Variants in OSBPL10 observed in about 807,000 individuals in gnomAD.
OSBPL10 encodes oxysterol binding protein like 10.
A neutral mutation model predicts 81.7 loss-of-function variants in OSBPL10; 49 were observed. The observed-to-expected ratio is 0.60, with a 90% CI of 0.48 to 0.76. The LOEUF (loss-of-function observed/expected upper bound fraction) is 0.76, where lower values mean the gene tolerates loss of function less well. Among genes scored for constraint, OSBPL10 ranks in the 30% least tolerant of loss-of-function variants. The probability of loss-of-function intolerance (pLI) is 0.00; values close to 1 mark genes in which losing one functional copy is unlikely to be tolerated. For missense variants in OSBPL10, 923 were observed against 987.8 expected (o/e 0.93, Z 0.88); for synonymous variants, 419 against 383.6 (o/e 1.09, Z -1.08).
chr3:31,761,669 T>C (rs1278499748), intron 4 of OSBPL10, among the ~76,000 whole-genome samples: 2 of 150,326 alleles, frequency 1.3e-5, no homozygotes, highest in Non-Finnish European at 3.0e-5. Context: ...ATACAAAAAT[T>C]AGCTGGGCAT....
intron 1 of OSBPL10, among the ~76,000 whole-genome samples, chr3:31,923,947 G>C (rs1406496515): frequency 6.6e-6 from 1 of 151,850 alleles, no homozygotes; most frequent in Admixed American, 6.6e-5. Flanking sequence ...GGCCATGTGT[G>C]GTGGTTCAAG....
At chr3:32,035,968 A>C (rs766409088) in intron 2 of OSBPL10, among the ~76,000 whole-genome samples, 1 of 152,036 alleles carries the variant, frequency 6.6e-6, no homozygotes, top group Non-Finnish European at 1.5e-5. Context: ...CCCTCCCCCC[A>C]GTCTTTGGTG....
At chr3:31,831,266 C>G (rs906624372) in intron 3 of OSBPL10, among the ~76,000 whole-genome samples, 1 of 151,994 alleles carries the variant, frequency 6.6e-6, no homozygotes, top group Non-Finnish European at 1.5e-5. Context: ...ATTAGCCAGG[C>G]ATGGTGGCAC....
At chr3:31,822,508 T>A (rs1700002510) in intron 4 of OSBPL10, among the ~76,000 whole-genome samples, 1 of 152,160 alleles carries the variant, frequency 6.6e-6, no homozygotes, top group Non-Finnish European at 1.5e-5. Flanking sequence ...TCAGAAAACA[T>A]CTAGCAAGGA....
chr3:32,060,412 A>T (rs185868642), intron 1 of OSBPL10, among the ~76,000 whole-genome samples: 1 of 152,196 alleles, frequency 6.6e-6, no homozygotes, highest in Non-Finnish European at 1.5e-5. Context: ...GAACGCCATC[A>T]TTCTCAACTT....
At chr3:31,806,469 G>A (rs1216919357) in intron 4 of OSBPL10, among the ~76,000 whole-genome samples, 2 of 152,166 alleles carry the variant, frequency 1.3e-5, no homozygotes, top group Non-Finnish European at 1.5e-5. Context: ...CCTTCTTTTA[G>A]CTGAGAGCCA....
At chr3:31,736,735 A>G (rs1697186553) in intron 5 of OSBPL10, among the ~76,000 whole-genome samples, 2 of 152,234 alleles carry the variant, frequency 1.3e-5, no homozygotes, top group South Asian at 2.1e-4. Flanking sequence ...CCCTGTCTCT[A>G]CAGAAAATTA....
intron 1 of OSBPL10, among the ~76,000 whole-genome samples, chr3:31,907,818 C>T (rs771261399): frequency 1.3e-5 from 2 of 151,938 alleles, no homozygotes; most frequent in African/African-American, 2.4e-5. Context: ...TAGAACAATC[C>T]GTGAAACAGA....
intron 2 of OSBPL10, among the ~76,000 whole-genome samples, chr3:32,029,046 C>T (rs753692284): frequency 3.4e-4 from 51 of 150,796 alleles, no homozygotes; most frequent in African/African-American, 1.2e-3. Context: ...TGCCCTGCTA[C>T]GGTAATAATT....
At chr3:31,915,746 T>C (rs548055947) in intron 1 of OSBPL10, among the ~76,000 whole-genome samples, 2 of 145,872 alleles carry the variant, frequency 1.4e-5, no homozygotes, top group Non-Finnish European at 3.0e-5. Flanking sequence ...TACCTCCAAA[T>C]CTAAAATAAA....
intron 1 of OSBPL10, among the ~76,000 whole-genome samples, chr3:31,922,247 A>C (rs1327201909): frequency 6.6e-6 from 1 of 152,252 alleles, no homozygotes; most frequent in Non-Finnish European, 1.5e-5. Flanking sequence ...GTAACCACAT[A>C]AACGTAAAAT....
Position 31,668,731 on chromosome 3 carries a change from ATTG to A in OSBPL10, c.2004_2006del (p.Asn669del). 6.2e-7 allele frequency: 1 copy of A among 1,614,114 alleles called. No individual in the cohort carries two copies. Among genetic ancestry groups the A allele is most frequent in the East Asian group, 2.2e-5 (1 of 44,878 alleles). ...TTGTGTCGATGACTTTGGTTTCTCC[ATTG>A]TTGTAGGTGAACTCTAAAGTACCAT... On this transcript the variant is annotated inframe_deletion, in exon 10 of 12. Transcript: ENST00000396556.
chr3:31,807,002 G>C (rs1054359007), intron 4 of OSBPL10, among the ~76,000 whole-genome samples: 3 of 152,188 alleles, frequency 2.0e-5, no homozygotes, highest in African/African-American at 7.2e-5. Flanking sequence ...CCAGGCCACA[G>C]ACAGGATTTA....
chr3:31,663,928 C>A, intron 11 of OSBPL10, 151 bp downstream of exon 11: 1 of 1,559,426 alleles, frequency 6.4e-7, no homozygotes. Flanking sequence ...AAGCCTTGTC[C>A]AAAGCTGGAG....
chr3:32,056,078 T>C (rs1224908693), intron 1 of OSBPL10, among the ~76,000 whole-genome samples: 1 of 152,228 alleles, frequency 6.6e-6, no homozygotes, highest in East Asian at 1.9e-4. Context: ...GATCAAAGCT[T>C]ATTTTGTAAA....
At chr3:31,808,026 A>G (rs1699565746) in intron 4 of OSBPL10, among the ~76,000 whole-genome samples, 1 of 152,200 alleles carries the variant, frequency 6.6e-6, no homozygotes, top group Non-Finnish European at 1.5e-5. Context: ...AACATGAAGA[A>G]CGTGCCACAG....
At chr3:31,893,619 G>A (rs1695965992) in intron 1 of OSBPL10, among the ~76,000 whole-genome samples, 1 of 152,184 alleles carries the variant, frequency 6.6e-6, no homozygotes, top group South Asian at 2.1e-4. Flanking sequence ...GCCAGAAACT[G>A]GAAATAATTT....
intron 3 of OSBPL10, among the ~76,000 whole-genome samples, chr3:31,848,818 CTTCT>C (rs1700695938): frequency 6.6e-6 from 1 of 152,214 alleles, no homozygotes; most frequent in South Asian, 2.1e-4. Context: ...CCTTGTTTCT[CTTCT>C]TTATTTAATC....
chr3:31,944,833 TAAAAAAAAAAAAAAAA>T (rs869140991), intron 1 of OSBPL10, among the ~76,000 whole-genome samples: 15,576 of 54,954 alleles, frequency 0.28, 2,427 homozygotes, highest in South Asian at 0.4. Context: ...CCCCTCTCTT[TAAAAAAAAAAAAAAAA>T]AAAAAAAAAA....
Sources: gnomAD v4.1 joint callset for allele counts (sites outside exome capture counted in the v4.1 genomes callset) on GRCh38, gnomAD v4.1.1 for gene constraint, MANE v1.5 for transcripts, NCBI Gene and HGNC (gene_info 2026-07-23, HGNC 2026-07-21) for gene names.